The following WWOX variants were observed in gnomAD, a reference collection of about 807,000 sequenced individuals.
The protein encoded by WWOX is WW domain containing oxidoreductase, also known as WW domain-containing oxidoreductase.
In WWOX, 69 loss-of-function variants were observed where a neutral mutation model predicts 46.2. That is an observed-to-expected ratio of 1.49 (90% CI 1.23 to 1.82). The LOEUF is 1.82. Among genes scored for constraint, WWOX ranks in the 40% most tolerant of loss-of-function variants. The probability of loss-of-function intolerance (pLI) is 0.00; values close to 1 mark genes in which losing one functional copy is unlikely to be tolerated. For missense variants in WWOX, 919 were observed against 542.6 expected (o/e 1.69, Z -6.89); for synonymous variants, 359 against 202.6 (o/e 1.77, Z -6.56).
At chr16:78,871,759 C>G (rs550819600) in intron 8 of WWOX, among the ~76,000 whole-genome samples, 2 of 152,158 alleles carry the variant, frequency 1.3e-5, no homozygotes, top group Non-Finnish European at 2.9e-5. Flanking sequence ...ACCACCATAC[C>G]CACCTAATTT....
chr16:78,410,329 C>G (rs188256673), intron 6 of WWOX, among the ~76,000 whole-genome samples: 1 of 152,264 alleles, frequency 6.6e-6, no homozygotes, highest in African/African-American at 2.4e-5. Context: ...AAGGTCTTAC[C>G]CTTGATCACG....
chr16:79,030,516 T>G (rs1238991464), intron 8 of WWOX, among the ~76,000 whole-genome samples: 1 of 152,220 alleles, frequency 6.6e-6, no homozygotes, highest in African/African-American at 2.4e-5. Context: ...ACAGAGGCAC[T>G]GACACCAGAC....
chr16:78,969,242 T>C lies in WWOX; in HGVS notation c.1057-242366T>C, dbSNP rs529745789. 2.0e-5 allele frequency among the ~76,000 whole-genome samples: 3 copies of C among 151,330 alleles called. No individual in the cohort carries two copies. In the East Asian group the frequency reaches 5.9e-4, roughly 30 times the overall value. ...CAAAGTCAAGAAAATAACACTAGGA[T>C]TGCCACCCTGCTCTCTCTCTCTCTC... On this transcript the variant is annotated intron_variant, in intron 8 of 8. Transcript: ENST00000566780.
chr16:78,978,600 A>G (rs1353201456), intron 8 of WWOX, among the ~76,000 whole-genome samples: 1 of 152,196 alleles, frequency 6.6e-6, no homozygotes, highest in Admixed American at 6.5e-5. Context: ...CACAGGAAGC[A>G]TAGAAGCTTC....
intron 8 of WWOX, among the ~76,000 whole-genome samples, chr16:78,707,514 A>G (rs1204675739): frequency 6.6e-6 from 1 of 152,188 alleles, no homozygotes; most frequent in Admixed American, 6.5e-5. Flanking sequence ...AAGTCTGTGC[A>G]TCTGAGCTCT....
Position 79,000,718 on chromosome 16 carries a change from T to A in WWOX, c.1057-210890T>A, listed in dbSNP as rs143004291. Among the ~76,000 whole-genome samples the A allele has an allele frequency of 2.6e-5, 4 of 152,262 alleles. No individual in the cohort carries two copies. In the East Asian group the frequency reaches 7.7e-4, roughly 29 times the overall value. On this transcript the variant is annotated intron_variant, in intron 8 of 8. Transcript: ENST00000566780. ...CTGACCTTCAGAAAATAAATTTGTTTTAAGCCACTAATTTGGGGGTAATTT... is the reference window on the plus strand; with the variant it reads ...CTGACCTTCAGAAAATAAATTTGTTATAAGCCACTAATTTGGGGGTAATTT...
intron 8 of WWOX, among the ~76,000 whole-genome samples, chr16:79,012,378 GTC>G (rs2047328250): frequency 6.6e-6 from 1 of 152,036 alleles, no homozygotes; most frequent in Admixed American, 6.6e-5. Context: ...GATTACAGGT[GTC>G]TGCCACCACG....
intron 8 of WWOX, among the ~76,000 whole-genome samples, chr16:78,481,063 C>T (rs2151446650): frequency 1.3e-5 from 2 of 152,246 alleles, no homozygotes; most frequent in East Asian, 3.9e-4. Context: ...AATGGAAAAA[C>T]AAAAATCTAA....
At chr16:78,602,760 G>C (rs955554261) in intron 8 of WWOX, among the ~76,000 whole-genome samples, 3 of 152,158 alleles carry the variant, frequency 2.0e-5, no homozygotes, top group African/African-American at 7.2e-5. Context: ...GCACAAAATG[G>C]TTTACATGGT....
chr16:78,670,467 C>A (rs1041310887), intron 8 of WWOX, among the ~76,000 whole-genome samples: 1 of 152,054 alleles, frequency 6.6e-6, no homozygotes, highest in Non-Finnish European at 1.5e-5. Flanking sequence ...GAGAAACTTA[C>A]CAGTGGTGTG....
At chr16:78,717,930 C>G (rs1038652042) in intron 8 of WWOX, among the ~76,000 whole-genome samples, 1 of 152,102 alleles carries the variant, frequency 6.6e-6, no homozygotes, top group Non-Finnish European at 1.5e-5. Context: ...CACCAAGTGT[C>G]TTATTGTAAA....
intron 8 of WWOX, among the ~76,000 whole-genome samples, chr16:78,451,479 G>A (rs915780553): frequency 1.3e-5 from 2 of 152,158 alleles, no homozygotes; most frequent in Admixed American, 6.5e-5. Context: ...AGCAGAAGGG[G>A]CTGTAAGAAC....
chr16:78,774,496 T>TGTGTGTGTG (rs2050139676), intron 8 of WWOX, among the ~76,000 whole-genome samples: 22 of 149,420 alleles, frequency 1.5e-4, no homozygotes, highest in Non-Finnish European at 2.5e-4. Flanking sequence ...CAGACCCATT[T>TGTGTGTGTG]TGTGTGTGTG....
intron 8 of WWOX, among the ~76,000 whole-genome samples, chr16:78,745,522 C>CTTTTTTTT (rs5818168): frequency 2.6e-4 from 24 of 92,744 alleles, no homozygotes; most frequent in South Asian, 3.7e-4. Flanking sequence ...TGTGGAAATC[C>CTTTTTTTT]TTTTTTTTTT....
chr16:78,893,388 C>T (rs1597116256), intron 8 of WWOX, among the ~76,000 whole-genome samples: 1 of 152,114 alleles, frequency 6.6e-6, no homozygotes, highest in South Asian at 2.1e-4. Context: ...CTCCCCCATT[C>T]AGTATATTTT....
intron 5 of WWOX, among the ~76,000 whole-genome samples, chr16:78,208,646 G>A (rs1180554686): frequency 6.6e-6 from 1 of 152,182 alleles, no homozygotes. Context: ...TTAGGAAGCT[G>A]TGCATAACAC....
intron 5 of WWOX, among the ~76,000 whole-genome samples, chr16:78,347,334 C>T (rs1307376022): frequency 8.5e-6 from 1 of 117,580 alleles, no homozygotes; most frequent in Admixed American, 8.4e-5. Context: ...GTCATCAAAT[C>T]CATTCCAATA....
chr16:78,767,604 C>T (rs757887380), intron 8 of WWOX, among the ~76,000 whole-genome samples: 2 of 152,064 alleles, frequency 1.3e-5, no homozygotes, highest in Non-Finnish European at 2.9e-5. Flanking sequence ...ATTGCTGCGT[C>T]GTTTCGTATC....
chr16:79,172,447 C>T (rs1317426979), intron 8 of WWOX, among the ~76,000 whole-genome samples: 1 of 152,168 alleles, frequency 6.6e-6, no homozygotes, highest in Non-Finnish European at 1.5e-5. Context: ...AGAGCAGCAA[C>T]CACTTATCTT....
Sources: allele counts gnomAD v4.1 joint callset (sites outside exome capture counted in the v4.1 genomes callset), GRCh38; gene constraint gnomAD v4.1.1; transcripts MANE v1.5; gene names NCBI Gene and HGNC (gene_info 2026-07-23, HGNC 2026-07-21).